The following PTPRE variants were observed in gnomAD, a reference collection of about 807,000 sequenced individuals.
PTPRE encodes protein tyrosine phosphatase receptor type E.
A neutral mutation model predicts 102.0 loss-of-function variants in PTPRE; 51 were observed. That is an observed-to-expected ratio of 0.50 (90% CI 0.40 to 0.63). PTPRE has a LOEUF of 0.63. PTPRE is among the 30% of genes least tolerant of loss of function. The pLI is 0.00. For synonymous variants in PTPRE, 345 were observed against 348.2 expected, an observed-to-expected ratio of 0.99 and a Z score of 0.10; for missense variants, 752 against 915.1, an observed-to-expected ratio of 0.82 and a Z score of 2.30.
chr10:127,928,875 A>C (rs893486538), intron 1 of PTPRE, among the ~76,000 whole-genome samples: 2 of 152,238 alleles, frequency 1.3e-5, no homozygotes, highest in African/African-American at 4.8e-5. Flanking sequence ...GTCAGACACG[A>C]AGGCCATGGT....
At chr10:128,081,852 C>T (rs1851732620) in intron 20 of PTPRE, among the ~76,000 whole-genome samples, 1 of 152,220 alleles carries the variant, frequency 6.6e-6, no homozygotes. Flanking sequence ...CAGACCGGGA[C>T]TCAGGAAGGG....
At position 128,049,759 on chromosome 10, in the gene PTPRE, A is replaced by C. The variant is rs988012228; in HGVS notation, c.420+93A>C. On this transcript the variant is annotated intron_variant, in intron 6 of 20. Transcript: ENST00000254667. ...TCAGGATGAATTATCCCAAAGACTC[A>C]GAACCCTTGCATCAGTTATGACACT... 1.2e-4 allele frequency: 184 copies of C among 1,552,342 alleles called. 1 individual carries two copies. The highest frequency in any genetic ancestry group is 1.5e-4 in the Non-Finnish European group (169 of 1,141,614).
chr10:127,989,205 C>T (rs1452069564), intron 2 of PTPRE, among the ~76,000 whole-genome samples: 1 of 151,756 alleles, frequency 6.6e-6, no homozygotes, highest in Non-Finnish European at 1.5e-5. Flanking sequence ...TTTACATATA[C>T]ATATTATATA....
intron 2 of PTPRE, among the ~76,000 whole-genome samples, chr10:127,985,067 T>G (rs1359220223): frequency 2.0e-5 from 3 of 152,174 alleles, no homozygotes; most frequent in Non-Finnish European, 2.9e-5. Flanking sequence ...CAGTTAGAAC[T>G]AAAAAGATAG....
chr10:127,958,147 AT>A lies in PTPRE; in HGVS notation c.-30-24126del, dbSNP rs769353683. Among the ~76,000 whole-genome samples the A allele has an allele frequency of 1.2e-3, 176 of 152,158 alleles. 1 individual carries two copies. The highest frequency in any genetic ancestry group is 2.7e-3 in the Admixed American group (42 of 15,276). Reference sequence around the variant, plus strand: ...ATAATCATGTAATCTGTGAACAAAAATATTTGCATTTTTTACTTCTTAACCT... The same window carrying A: ...ATAATCATGTAATCTGTGAACAAAAAATTTGCATTTTTTACTTCTTAACCT... On this transcript the variant is annotated intron_variant, in intron 1 of 20. Transcript: ENST00000254667.
chr10:127,981,002 A>G (rs992942028), intron 1 of PTPRE, among the ~76,000 whole-genome samples: 4 of 152,232 alleles, frequency 2.6e-5, no homozygotes, highest in African/African-American at 9.6e-5. Context: ...AGCCTAATCA[A>G]TAATCCCAGT....
Position 128,065,246 on chromosome 10 carries a change from G to A in PTPRE, c.724-829G>A, listed in dbSNP as rs190379675. Among the ~76,000 whole-genome samples, 266 of 152,348 alleles carry A rather than the reference G, an allele frequency of 1.7e-3. 1 individual carries two copies. The highest frequency in any genetic ancestry group is 6.1e-3 in the African/African-American group (252 of 41,582). The stretch of plus-strand genomic sequence containing the variant: ...CTGTTAATCCTGGAGGCTTGACCAC[G>A]AGCTGTGCTGCTCAGGGGCCATTCC... On this transcript the variant is annotated intron_variant, in intron 10 of 20. Transcript: ENST00000254667.
At chr10:127,915,147 G>A (rs765156744) in intron 1 of PTPRE, among the ~76,000 whole-genome samples, 6 of 152,142 alleles carry the variant, frequency 3.9e-5, no homozygotes, top group Non-Finnish European at 7.3e-5. Context: ...ACACATTTTA[G>A]CATCTTAAAT....
At chr10:127,929,325 CTTAATA>C (rs1418954777) in intron 1 of PTPRE, 5 of 152,114 alleles carry the variant, frequency 3.3e-5, no homozygotes, top group South Asian at 2.1e-4. Flanking sequence ...TACATAAATC[CTTAATA>C]TTAATATAAT....
intron 1 of PTPRE, among the ~76,000 whole-genome samples, chr10:127,960,746 G>A (rs563891725): frequency 3.9e-5 from 6 of 152,238 alleles, no homozygotes; most frequent in African/African-American, 1.2e-4. Context: ...AGAAACAGCC[G>A]GGCGCGGTGG....
chr10:127,926,047 T>C (rs182764287), intron 1 of PTPRE, among the ~76,000 whole-genome samples: 9 of 152,370 alleles, frequency 5.9e-5, no homozygotes, highest in Non-Finnish European at 1.3e-4. Context: ...CTAATCCTTT[T>C]GTGAAGCAGC....
intron 2 of PTPRE, among the ~76,000 whole-genome samples, chr10:128,034,349 G>A (rs59273887): frequency 0.016 from 2,431 of 148,226 alleles, 75 homozygotes; most frequent in African/African-American, 0.058. Flanking sequence ...CACACACACA[G>A]AACTCTTGGC....
chr10:127,910,554 T>G (rs1845799076), intron 1 of PTPRE, among the ~76,000 whole-genome samples: 1 of 152,238 alleles, frequency 6.6e-6, no homozygotes, highest in Admixed American at 6.5e-5. Context: ...TCTGAGAGCA[T>G]GTACTTTGGG....
At chr10:128,066,983 C>A (rs1016402670) in intron 11 of PTPRE, among the ~76,000 whole-genome samples, 1 of 151,136 alleles carries the variant, frequency 6.6e-6, no homozygotes, top group Admixed American at 6.6e-5. Flanking sequence ...CACACACACC[C>A]ACACACAGGC....
chr10:127,947,327 C>T (rs902910922), intron 1 of PTPRE, among the ~76,000 whole-genome samples: 2 of 152,272 alleles, frequency 1.3e-5, no homozygotes, highest in Admixed American at 6.5e-5. Context: ...GCCAGATTCA[C>T]GTGCATTCAA....
At chr10:128,054,033 T>A (rs1451220969) in intron 6 of PTPRE, among the ~76,000 whole-genome samples, 2 of 152,090 alleles carry the variant, frequency 1.3e-5, no homozygotes, top group African/African-American at 4.8e-5. Flanking sequence ...GTGCTGGGAT[T>A]ACAGGTGTGA....
At chr10:127,970,368 C>A (rs1403299623) in intron 1 of PTPRE, among the ~76,000 whole-genome samples, 1 of 152,142 alleles carries the variant, frequency 6.6e-6, no homozygotes. Context: ...GTTGTATTTG[C>A]AGAATTCGTT....
chr10:128,031,104 T>C (rs542649194), intron 2 of PTPRE, among the ~76,000 whole-genome samples: 1 of 152,378 alleles, frequency 6.6e-6, no homozygotes, highest in South Asian at 2.1e-4. Flanking sequence ...TAACCAATGC[T>C]GAATGAATGC....
intron 1 of PTPRE, among the ~76,000 whole-genome samples, chr10:127,960,715 G>A: frequency 6.6e-6 from 1 of 152,254 alleles, no homozygotes; most frequent in African/African-American, 2.4e-5. Context: ...GTCCAAATAC[G>A]TGAGGCTTTT....
Sources: allele counts gnomAD v4.1 joint callset (sites outside exome capture counted in the v4.1 genomes callset), GRCh38; gene constraint gnomAD v4.1.1; transcripts MANE v1.5; gene names NCBI Gene and HGNC (gene_info 2026-07-23, HGNC 2026-07-21).